The following NKAIN3 variants were observed in gnomAD, a reference collection of about 807,000 sequenced individuals.
The protein encoded by NKAIN3 is sodium/potassium-transporting ATPase subunit beta-1-interacting protein 3.
A neutral mutation model predicts 30.2 loss-of-function variants in NKAIN3; 25 were observed. The observed-to-expected ratio is 0.83, with a 90% CI of 0.60 to 1.16. NKAIN3 has a LOEUF of 1.16. NKAIN3 is among the 50% of genes most tolerant of loss of function. The probability of loss-of-function intolerance (pLI) is 0.00; values close to 1 mark genes in which losing one functional copy is unlikely to be tolerated. For synonymous variants in NKAIN3, 91 were observed against 89.6 expected, an observed-to-expected ratio of 1.02 and a Z score of -0.09; for missense variants, 225 against 254.1, an observed-to-expected ratio of 0.89 and a Z score of 0.78.
intron 3 of NKAIN3, among the ~76,000 whole-genome samples, chr8:62,647,782 A>G (rs1488650251): frequency 7.2e-5 from 11 of 152,218 alleles, no homozygotes; most frequent in African/African-American, 2.7e-4. Context: ...AAGTTAGGGA[A>G]TAAGGCATAA....
rs557281792 is a variant in NKAIN3 at position 62,810,003 on chromosome 8, T to C, written c.471+62874T>C. On this transcript the variant is annotated intron_variant, in intron 4 of 6. Coordinates refer to ENST00000623646, the MANE Select transcript of NKAIN3 (RefSeq NM_001304533.3). Reference sequence around the variant, plus strand: ...TCACTCTCATTTAAGAATCGCATGGTTTATGAGGAAATCTTCCTCACAGGG... The same window carrying C: ...TCACTCTCATTTAAGAATCGCATGGCTTATGAGGAAATCTTCCTCACAGGG... 3.9e-5 allele frequency among the ~76,000 whole-genome samples: 6 copies of C among 152,216 alleles called. No individual in the cohort carries two copies. The South Asian group carries it at 1.2e-3, about 32-fold the overall frequency.
At chr8:62,785,840 A>G (rs572285526) in intron 4 of NKAIN3, among the ~76,000 whole-genome samples, 1 of 152,316 alleles carries the variant, frequency 6.6e-6, no homozygotes, top group Non-Finnish European at 1.5e-5. Context: ...AAATGGATAA[A>G]TGGAAATCAG....
intron 1 of NKAIN3, among the ~76,000 whole-genome samples, chr8:62,443,615 T>A (rs1181639947): frequency 1.3e-5 from 2 of 152,248 alleles, no homozygotes; most frequent in East Asian, 3.9e-4. Flanking sequence ...ACTCCTGGCC[T>A]CAAGCGATCC....
intron 3 of NKAIN3, among the ~76,000 whole-genome samples, chr8:62,623,771 CGA>C (rs2130239456): frequency 6.6e-6 from 1 of 151,946 alleles, no homozygotes; most frequent in East Asian, 1.9e-4. Context: ...GTCTAGACCC[CGA>C]GAGAGGGATC....
At chr8:62,449,114 C>CT (rs1485178494) in intron 1 of NKAIN3, among the ~76,000 whole-genome samples, 2 of 151,864 alleles carry the variant, frequency 1.3e-5, no homozygotes, top group Non-Finnish European at 2.9e-5. Flanking sequence ...CTCAAAATCC[C>CT]TTTTTTAATG....
At chr8:62,622,510 T>C (rs2130234590) in intron 3 of NKAIN3, among the ~76,000 whole-genome samples, 1 of 152,208 alleles carries the variant, frequency 6.6e-6, no homozygotes, top group Non-Finnish European at 1.5e-5. Flanking sequence ...TCATTGTGGC[T>C]TTAATTCGCA....
chr8:62,427,368 G>T (rs1804839374), intron 1 of NKAIN3, among the ~76,000 whole-genome samples: 1 of 151,928 alleles, frequency 6.6e-6, no homozygotes, highest in South Asian at 2.1e-4. Flanking sequence ...AGCTTCTGAG[G>T]CTATGATGTG....
chr8:62,865,440 G>A (rs185793516), intron 4 of NKAIN3, among the ~76,000 whole-genome samples: 7 of 152,258 alleles, frequency 4.6e-5, no homozygotes, highest in Admixed American at 2.0e-4. Context: ...TTGCTTTGAA[G>A]TACTGTTGTT....
intron 1 of NKAIN3, among the ~76,000 whole-genome samples, chr8:62,576,377 C>G (rs1810108424): frequency 6.6e-6 from 1 of 152,016 alleles, no homozygotes. Flanking sequence ...TTCTTTATTT[C>G]TCTACTTTTT....
At chr8:62,764,667 G>A (rs573383560) in intron 4 of NKAIN3, among the ~76,000 whole-genome samples, 1 of 152,186 alleles carries the variant, frequency 6.6e-6, no homozygotes, top group Admixed American at 6.5e-5. Context: ...GTCTCAATAT[G>A]TTCCCCAGGC....
At chr8:62,485,425 A>C (rs1806868279) in intron 1 of NKAIN3, among the ~76,000 whole-genome samples, 1 of 152,226 alleles carries the variant, frequency 6.6e-6, no homozygotes, top group African/African-American at 2.4e-5. Flanking sequence ...CTGTTAAAAA[A>C]ACACCCATTT....
chr8:62,714,591 A>AT (rs1342031038), intron 3 of NKAIN3, among the ~76,000 whole-genome samples: 3 of 152,192 alleles, frequency 2.0e-5, no homozygotes, highest in African/African-American at 7.2e-5. Flanking sequence ...AAGGCTTAAT[A>AT]TAAAAAATAA....
chr8:62,977,093 T>C lies in NKAIN3; in HGVS notation c.*11686T>C, dbSNP rs1015696820. ...GCTTCCCTTTGTAGGTAACCCAACT[T>C]TTCTCTCTGGCTGCCCTTAACATTT... On this transcript the variant is annotated 3_prime_UTR_variant, in exon 7 of 7. Transcript: ENST00000623646. Among the ~76,000 whole-genome samples, 2 of 152,176 alleles carry C rather than the reference T, an allele frequency of 1.3e-5. No individual in the cohort carries two copies. Among genetic ancestry groups the C allele is most frequent in the African/African-American group, 4.8e-5 (2 of 41,448 alleles).
intron 4 of NKAIN3, among the ~76,000 whole-genome samples, chr8:62,806,276 C>T (rs1448514633): frequency 6.6e-6 from 1 of 152,150 alleles, no homozygotes; most frequent in Non-Finnish European, 1.5e-5. Context: ...ACTAGAAATA[C>T]CATTTGACCC....
At chr8:62,602,598 T>A (rs1284444981) in intron 3 of NKAIN3, among the ~76,000 whole-genome samples, 1 of 152,124 alleles carries the variant, frequency 6.6e-6, no homozygotes, top group Non-Finnish European at 1.5e-5. Context: ...ACATCTATTC[T>A]TTCCCCTTAC....
intron 1 of NKAIN3, among the ~76,000 whole-genome samples, chr8:62,328,585 A>G (rs748031820): frequency 1.9e-4 from 29 of 152,072 alleles, no homozygotes; most frequent in Admixed American, 1.6e-3. Context: ...TCCTCATTGC[A>G]CCAGATGTCT....
intron 4 of NKAIN3, among the ~76,000 whole-genome samples, chr8:62,786,688 G>A (rs1437337872): frequency 6.6e-6 from 1 of 152,098 alleles, no homozygotes; most frequent in Non-Finnish European, 1.5e-5. Flanking sequence ...TATTTACAAT[G>A]GGCTAGTAAT....
chr8:62,593,195 G>A (rs761057302), intron 3 of NKAIN3, among the ~76,000 whole-genome samples: 1 of 151,920 alleles, frequency 6.6e-6, no homozygotes, highest in Non-Finnish European at 1.5e-5. Context: ...CCATAAGCAA[G>A]TCTCAGTAAA....
chr8:62,873,616 A>G (rs1820710857), intron 4 of NKAIN3, among the ~76,000 whole-genome samples: 1 of 151,608 alleles, frequency 6.6e-6, no homozygotes, highest in African/African-American at 2.4e-5. Flanking sequence ...AATGTAAAGA[A>G]ACTGAAATCA....
Sources: allele counts gnomAD v4.1 joint callset (sites outside exome capture counted in the v4.1 genomes callset), GRCh38; gene constraint gnomAD v4.1.1; transcripts MANE v1.5; gene names NCBI Gene and HGNC (gene_info 2026-07-23, HGNC 2026-07-21).